Variants in GAD2 observed in about 807,000 individuals in gnomAD.
The protein encoded by GAD2 is 65 kDa glutamic acid decarboxylase.
A neutral mutation model predicts 80.1 loss-of-function variants in GAD2; 22 were observed. That is an observed-to-expected ratio of 0.27 (90% CI 0.20 to 0.39). The LOEUF (loss-of-function observed/expected upper bound fraction) is 0.39. Among genes scored for constraint, GAD2 ranks in the 10% least tolerant of loss-of-function variants. GAD2 has a pLI of 1.00. For missense variants in GAD2, 624 were observed against 738.4 expected (o/e 0.85, Z 1.80); for synonymous variants, 274 against 256.9 (o/e 1.07, Z -0.64).
At chr10:26,259,465 A>T (rs547828051) in intron 8 of GAD2, among the ~76,000 whole-genome samples, 1 of 151,940 alleles carries the variant, frequency 6.6e-6, no homozygotes, top group South Asian at 2.1e-4. Context: ...TTCCCTGATG[A>T]TTAGTGGTGT....
At chr10:26,218,551 T>TCTCTCTCTCACACACACACA (rs748110324) in intron 3 of GAD2, among the ~76,000 whole-genome samples, 27 of 118,860 alleles carry the variant, frequency 2.3e-4, no homozygotes, top group African/African-American at 7.4e-4. Flanking sequence ...TCTCTCTCTC[T>TCTCTCTCTCACACACACACA]CACACACACA....
At chr10:26,232,953 T>C (rs985509146) in intron 7 of GAD2, among the ~76,000 whole-genome samples, 8 of 152,224 alleles carry the variant, frequency 5.3e-5, no homozygotes, top group African/African-American at 1.9e-4. Flanking sequence ...GGCTCTAACT[T>C]TGGCCTATCA....
At position 26,303,515 on chromosome 10, in the gene GAD2, A is replaced by AG. The variant is rs1834351063; in HGVS notation, c.*2555dup. The AG allele has an allele frequency of 1.4e-5, 2 of 143,840 alleles. No individual in the cohort carries two copies. The highest frequency in any genetic ancestry group is 2.8e-5 in the African/African-American group (1 of 35,220). The allele number at this position is 143,840 out of a possible 1,614,324, so 8.9% of individuals were successfully genotyped here. A position where few individuals can be genotyped will look rare whatever the true frequency, so the allele number is the denominator to read the frequency against. On this transcript the variant is annotated 3_prime_UTR_variant, in exon 16 of 16. Transcript: ENST00000376261. Reference sequence around the variant, plus strand: ...ATGAAGGGAGGGAGGGAGGGAGGAAAGAAGGGAGATTATTTTTAATATTAG... The same window carrying AG: ...ATGAAGGGAGGGAGGGAGGGAGGAAAGGAAGGGAGATTATTTTTAATATTAG...
At chr10:26,277,454 A>T (rs1845222933) in intron 11 of GAD2, among the ~76,000 whole-genome samples, 1 of 152,220 alleles carries the variant, frequency 6.6e-6, no homozygotes, top group Admixed American at 6.5e-5. Flanking sequence ...GACAAAACCC[A>T]TGGAAAACCT....
intron 15 of GAD2, among the ~76,000 whole-genome samples, chr10:26,300,200 T>C (rs1834313793): frequency 2.6e-5 from 4 of 152,206 alleles, no homozygotes; most frequent in South Asian, 4.1e-4. Flanking sequence ...ATATGAAACA[T>C]ATGTTAAGTC....
chr10:26,235,131 T>A (rs759693796), intron 7 of GAD2, among the ~76,000 whole-genome samples: 1 of 152,170 alleles, frequency 6.6e-6, no homozygotes, highest in Non-Finnish European at 1.5e-5. Flanking sequence ...GCCTTGGCCT[T>A]CCAAAGTTCT....
intron 7 of GAD2, among the ~76,000 whole-genome samples, chr10:26,243,383 G>T (rs8190667): frequency 0.029 from 4,398 of 152,328 alleles, 195 homozygotes; most frequent in African/African-American, 0.099. Context: ...CATTCGAAGA[G>T]AGAGGACCCT....
At chr10:26,232,125 GA>G (rs1285159588) in intron 7 of GAD2, among the ~76,000 whole-genome samples, 1 of 152,182 alleles carries the variant, frequency 6.6e-6, no homozygotes, top group South Asian at 2.1e-4. Flanking sequence ...TCCAAGGATA[GA>G]AAAACGTGAT....
chr10:26,282,915 A>G lies in GAD2; in HGVS notation c.1236+1828A>G, dbSNP rs576695293. Reference sequence around the variant, plus strand: ...AAATATCCTTTTGGACTGGTTTTTCATCAGTTAAAAATCCAGTCCAATGTA... The same window carrying G: ...AAATATCCTTTTGGACTGGTTTTTCGTCAGTTAAAAATCCAGTCCAATGTA... On this transcript the variant is annotated intron_variant, in intron 12 of 15. Transcript: ENST00000376261. 4.6e-5 allele frequency among the ~76,000 whole-genome samples: 7 copies of G among 152,328 alleles called. No individual in the cohort carries two copies. The South Asian group carries it at 1.4e-3, about 32-fold the overall frequency.
At chr10:26,275,281 T>G (rs1589150525) in intron 11 of GAD2, among the ~76,000 whole-genome samples, 1 of 152,228 alleles carries the variant, frequency 6.6e-6, no homozygotes, top group African/African-American at 2.4e-5. Context: ...AAAAAGTCTG[T>G]TACTTTACCT....
At chr10:26,232,494 A>G (rs978882704) in intron 7 of GAD2, among the ~76,000 whole-genome samples, 28 of 72,068 alleles carry the variant, frequency 3.9e-4, no homozygotes, top group African/African-American at 1.4e-3. Flanking sequence ...TTTTTTTTTG[A>G]GTCAGAGTCT....
In GAD2 at chr10:26,292,886, C is replaced by T; in HGVS notation, c.1495-16C>T. The T allele has an allele frequency of 6.2e-7, 1 of 1,608,890 alleles. No homozygotes were observed. The highest frequency in any genetic ancestry group is 1.1e-5 in the South Asian group (1 of 90,918). ...CCAGCCTGGGCCAAATGTGAATCTT[C>T]CTTTCCTCTTTGTAGCCTCAGCACA... On this transcript the variant is annotated splice_polypyrimidine_tract_variant and intron_variant, in intron 14 of 15. Transcript: ENST00000376261.
Position 26,270,645 on chromosome 10 carries a change from T to G in GAD2, c.981T>G (p.Phe327Leu), listed in dbSNP as rs758795744. The change falls in exon 10 of 16, where the codon TTT (phenylalanine) becomes TTG (leucine). Residue 327 changes from phenylalanine (F) to leucine (L), a missense_variant. Transcript: ENST00000376261. Reference protein sequence around the residue: ...RRILEAKQKGFVPFLVSATAG... With the variant: ...RRILEAKQKGLVPFLVSATAG... Reference sequence around the variant, plus strand: ...GGGCTTTCTCGTTCGCACAGGGGTTTGTTCCTTTCCTCGTGAGTGCCACAG... The same window carrying G: ...GGGCTTTCTCGTTCGCACAGGGGTTGGTTCCTTTCCTCGTGAGTGCCACAG... 3 of 1,612,380 alleles carry G rather than the reference T, an allele frequency of 1.9e-6. No individual in the cohort carries two copies. Among genetic ancestry groups the G allele is most frequent in the South Asian group, 2.2e-5 (2 of 91,076 alleles).
In GAD2 at chr10:26,300,779, G is replaced by A; in HGVS notation, c.1585-9G>A. 1 of 1,612,938 alleles carries A rather than the reference G, an allele frequency of 6.2e-7. No individual in the cohort carries two copies. The highest frequency in any genetic ancestry group is 8.5e-7 in the Non-Finnish European group (1 of 1,179,190). On this transcript the variant is annotated splice_polypyrimidine_tract_variant and intron_variant, in intron 15 of 15. Transcript: ENST00000376261. ...GAAAGTCACCATGCTGATATGGTCT[G>A]TCCCACAGGTGGCTCCAGTGATTAA... is the stretch of plus-strand genomic sequence containing the variant.
In GAD2 at chr10:26,301,932, G is replaced by A. The variant is rs1834333173; in HGVS notation, c.*971G>A. On this transcript the variant is annotated 3_prime_UTR_variant, in exon 16 of 16. Coordinates refer to ENST00000376261, the MANE Select transcript of GAD2 (RefSeq NM_001134366.2). ...CAGAAGGTTGATGCTAGTTCTTGAG[G>A]CATCTTCCAAATAGTATTCTTTTAT... The A allele has an allele frequency of 6.6e-6, 1 of 152,136 alleles. No individual in the cohort carries two copies. Among genetic ancestry groups the A allele is most frequent in the Non-Finnish European group, 1.5e-5 (1 of 68,026 alleles). The allele number at this position is 152,136 out of a possible 1,614,324, so 9.4% of individuals were successfully genotyped here. A position where few individuals can be genotyped will look rare whatever the true frequency, so the allele number is the denominator to read the frequency against.
chr10:26,253,365 A>G (rs1376139868), intron 8 of GAD2, among the ~76,000 whole-genome samples: 1 of 152,240 alleles, frequency 6.6e-6, no homozygotes, highest in East Asian at 1.9e-4. Flanking sequence ...TATTCATGTC[A>G]TTCATATTTG....
At chr10:26,292,647 T>C in intron 14 of GAD2, 75 bp downstream of exon 14, 1 of 1,150,674 alleles carries the variant, frequency 8.7e-7, no homozygotes, top group Non-Finnish European at 1.3e-6. Context: ...ATGTAAATGA[T>C]GTGCTGTCCA....
At chr10:26,250,124 C>A (rs1000451695) in intron 8 of GAD2, among the ~76,000 whole-genome samples, 2 of 151,968 alleles carry the variant, frequency 1.3e-5, no homozygotes, top group African/African-American at 4.8e-5. Context: ...AGCAATTCTC[C>A]CCTCTCAGCC....
chr10:26,268,501 C>T (rs1460304348), intron 8 of GAD2, among the ~76,000 whole-genome samples: 3 of 151,368 alleles, frequency 2.0e-5, no homozygotes, highest in Non-Finnish European at 4.4e-5. Context: ...CTCTGTCTCT[C>T]GTACCATGAT....
Sources: allele counts gnomAD v4.1 joint callset (sites outside exome capture counted in the v4.1 genomes callset), GRCh38; gene constraint gnomAD v4.1.1; transcripts MANE v1.5; gene names NCBI Gene and HGNC (gene_info 2026-07-23, HGNC 2026-07-21).